Variants in KLF12 observed in about 807,000 individuals in gnomAD.
KLF12 encodes Krueppel-like factor 12.
KLF12 carries 9 observed loss-of-function variants against 37.8 expected under a neutral mutation model. The ratio of observed to expected loss-of-function variants is 0.24; its 90% CI spans 0.14 to 0.42. The LOEUF is 0.42. Among genes scored for constraint, KLF12 ranks in the 10% least tolerant of loss-of-function variants. The pLI is 1.00. For missense variants in KLF12, 411 were observed against 516.0 expected, an observed-to-expected ratio of 0.80 and a Z score of 1.97; for synonymous variants, 208 against 202.1, an observed-to-expected ratio of 1.03 and a Z score of -0.25.
intron 2 of KLF12, among the ~76,000 whole-genome samples, chr13:73,964,353 C>A (rs1311033906): frequency 1.3e-5 from 2 of 152,174 alleles, no homozygotes; most frequent in Admixed American, 1.3e-4. Context: ...CTTTGCATCT[C>A]CCATTGTTTA....
chr13:73,999,285 A>G (rs1393726882), intron 1 of KLF12, among the ~76,000 whole-genome samples: 2 of 152,226 alleles, frequency 1.3e-5, no homozygotes, highest in African/African-American at 4.8e-5. Context: ...TTCTCCTATA[A>G]GTATCCAATG....
chr13:74,021,743 T>C (rs1470715238), intron 1 of KLF12, among the ~76,000 whole-genome samples: 2 of 152,204 alleles, frequency 1.3e-5, no homozygotes, highest in African/African-American at 4.8e-5. Flanking sequence ...ATCTCACTGA[T>C]AGTCTCCTAT....
rs745826854 is a variant in KLF12 at position 74,015,082 on chromosome 13, T to C, written c.-31-20029A>G. 6.4e-4 allele frequency among the ~76,000 whole-genome samples: 97 copies of C among 152,226 alleles called. 1 individual carries two copies. Among genetic ancestry groups the C allele is most frequent in the Admixed American group, 4.3e-3 (65 of 15,286 alleles). On this transcript the variant is annotated intron_variant, in intron 1 of 7. Coordinates refer to ENST00000377669, the MANE Select transcript of KLF12 (RefSeq NM_007249.5). ...TAAATTATATACTATTAGTATACAG[T>C]AGTATGTAATATAAACAGTAGATTA...
the KLF12 span, among the ~76,000 whole-genome samples, chr13:74,142,088 G>C: frequency 1.3e-5 from 2 of 152,140 alleles, 1 homozygote; most frequent in African/African-American, 4.8e-5. Flanking sequence ...TCTGCACAAT[G>C]TGGTCAATAT....
At chr13:74,025,808 AAATGACTGCAGAT>A (rs1394158413) in intron 1 of KLF12, among the ~76,000 whole-genome samples, 2 of 152,302 alleles carry the variant, frequency 1.3e-5, no homozygotes, top group African/African-American at 4.8e-5. Context: ...TGACATTACC[AAATGACTGCAGAT>A]ATAGCTAAAT....
At chr13:73,741,988 T>A (rs78576923) in intron 6 of KLF12, among the ~76,000 whole-genome samples, 2,818 of 151,184 alleles carry the variant, frequency 0.019, 72 homozygotes, top group African/African-American at 0.061. Context: ...GAGACTTCAC[T>A]TTCCTGCAGT....
the KLF12 span, among the ~76,000 whole-genome samples, chr13:74,220,083 TC>T: frequency 1.3e-5 from 2 of 152,208 alleles, no homozygotes; most frequent in South Asian, 2.1e-4. Flanking sequence ...CATGATTTTT[TC>T]TTCTGTATTT....
chr13:73,778,115 C>T (rs1441723543), intron 5 of KLF12, among the ~76,000 whole-genome samples: 1 of 136,152 alleles, frequency 7.3e-6, no homozygotes, highest in Non-Finnish European at 1.6e-5. Context: ...GCCTGGGTGA[C>T]AAGAGGGAAA....
chr13:73,858,215 G>A (rs1049347853), intron 3 of KLF12, among the ~76,000 whole-genome samples: 5 of 151,960 alleles, frequency 3.3e-5, no homozygotes, highest in Non-Finnish European at 7.4e-5. Flanking sequence ...TTTAAAATCT[G>A]GTTTTCATAT....
intron 1 of KLF12, among the ~76,000 whole-genome samples, chr13:74,010,007 T>C (rs1892509711): frequency 6.6e-6 from 1 of 152,158 alleles, no homozygotes; most frequent in Non-Finnish European, 1.5e-5. Flanking sequence ...TGGAGTACAC[T>C]GGTGAGATCT....
chr13:73,838,087 CAA>C (rs1884536887), intron 4 of KLF12, among the ~76,000 whole-genome samples: 1 of 152,156 alleles, frequency 6.6e-6, no homozygotes, highest in South Asian at 2.1e-4. Flanking sequence ...ATTAGTGAAA[CAA>C]AGAGATCTGA....
At chr13:74,143,066 C>T in the KLF12 span, among the ~76,000 whole-genome samples, 1 of 149,560 alleles carries the variant, frequency 6.7e-6, no homozygotes, top group Admixed American at 6.7e-5. Context: ...TTCCTTCCTT[C>T]CTCTCTTTCC....
chr13:74,279,039 C>G, the KLF12 span, among the ~76,000 whole-genome samples: 1 of 152,170 alleles, frequency 6.6e-6, no homozygotes, highest in Non-Finnish European at 1.5e-5. Context: ...AGTATCAACT[C>G]TAGTGAAACT....
At chr13:73,983,128 T>C (rs1194161566) in intron 2 of KLF12, among the ~76,000 whole-genome samples, 2 of 152,164 alleles carry the variant, frequency 1.3e-5, no homozygotes, top group African/African-American at 2.4e-5. Context: ...CTGTCTACCA[T>C]CACTCCTCTC....
upstream of KLF12, among the ~76,000 whole-genome samples, chr13:74,134,058 G>C (rs969400614): frequency 6.6e-6 from 1 of 151,390 alleles, no homozygotes; most frequent in African/African-American, 2.4e-5. Flanking sequence ...GGGGAGCCTC[G>C]CCAGGCCCGC....
chr13:73,920,680 T>C (rs995027755), intron 3 of KLF12, among the ~76,000 whole-genome samples: 11 of 152,138 alleles, frequency 7.2e-5, no homozygotes, highest in African/African-American at 2.2e-4. Flanking sequence ...TTCTCTGTCC[T>C]TTCCTAAAAG....
chr13:74,108,950 G>T (rs1876825281), intron 1 of KLF12, among the ~76,000 whole-genome samples: 1 of 152,052 alleles, frequency 6.6e-6, no homozygotes, highest in Non-Finnish European at 1.5e-5. Flanking sequence ...AAGTATATGT[G>T]AAAATTTATG....
chr13:73,909,177 C>A (rs534437590), intron 3 of KLF12, among the ~76,000 whole-genome samples: 35 of 152,184 alleles, frequency 2.3e-4, no homozygotes, highest in Non-Finnish European at 4.6e-4. Flanking sequence ...AGATCACCTT[C>A]TAACCCTCCC....
intron 1 of KLF12, among the ~76,000 whole-genome samples, chr13:74,129,268 T>C (rs1434446144): frequency 6.6e-6 from 1 of 152,192 alleles, no homozygotes; most frequent in Non-Finnish European, 1.5e-5. Flanking sequence ...TCATTTTTAT[T>C]GTTGTATTTT....
Sources: gnomAD v4.1 joint callset for allele counts (sites outside exome capture counted in the v4.1 genomes callset) on GRCh38, gnomAD v4.1.1 for gene constraint, MANE v1.5 for transcripts, NCBI Gene and HGNC (gene_info 2026-07-23, HGNC 2026-07-21) for gene names.